PPIP5K2: variants seen among roughly 807,000 people sequenced by gnomAD.
PPIP5K2 encodes the protein diphosphoinositol pentakisphosphate kinase 2.
Under a neutral mutation model 154.6 loss-of-function variants are expected in PPIP5K2, and 105 were observed. The ratio of observed to expected loss-of-function variants is 0.68; its 90% CI spans 0.58 to 0.80. PPIP5K2 has a LOEUF of 0.80. Among genes scored for constraint, PPIP5K2 ranks in the 30% least tolerant of loss-of-function variants. The pLI, the probability that PPIP5K2 is intolerant of heterozygous loss-of-function variation, is 0.00. For missense variants in PPIP5K2, 992 were observed against 1,504.6 expected, an observed-to-expected ratio of 0.66 and a Z score of 5.64; for synonymous variants, 480 against 490.3, an observed-to-expected ratio of 0.98 and a Z score of 0.28.
intron 2 of PPIP5K2, among the ~76,000 whole-genome samples, chr5:103,132,843 G>A (rs904291386): frequency 6.6e-6 from 1 of 152,102 alleles, no homozygotes; most frequent in Non-Finnish European, 1.5e-5. Context: ...AGGCTGAATT[G>A]TGGCCTTTGA....
chr5:103,134,746 CA>C (rs1282985376), intron 3 of PPIP5K2, among the ~76,000 whole-genome samples: 1 of 152,096 alleles, frequency 6.6e-6, no homozygotes, highest in Non-Finnish European at 1.5e-5. Flanking sequence ...TTAACAAAAA[CA>C]AAAGCAGGAA....
intron 21 of PPIP5K2, among the ~76,000 whole-genome samples, chr5:103,176,378 G>C (rs567640315): frequency 6.6e-6 from 1 of 151,982 alleles, no homozygotes; most frequent in East Asian, 1.9e-4. Context: ...CTTACATTTA[G>C]TGAAACTCAG....
At chr5:103,130,632 C>T (rs1368901939) in intron 2 of PPIP5K2, among the ~76,000 whole-genome samples, 4 of 152,160 alleles carry the variant, frequency 2.6e-5, no homozygotes, top group Non-Finnish European at 1.5e-5. Flanking sequence ...ACCTTTGCTA[C>T]CTCCTGCCCC....
chr5:103,140,849 A>C (rs2149504479), intron 5 of PPIP5K2, among the ~76,000 whole-genome samples: 1 of 152,178 alleles, frequency 6.6e-6, no homozygotes, highest in East Asian at 1.9e-4. Flanking sequence ...AAAAAAAAAA[A>C]AAAAAAAATT....
chr5:103,142,927 CAG>C (rs1793092563), intron 5 of PPIP5K2, among the ~76,000 whole-genome samples: 1 of 152,038 alleles, frequency 6.6e-6, no homozygotes, highest in South Asian at 2.1e-4. Context: ...GCAAACCTGT[CAG>C]AAATAATAAC....
rs1291349034 is a variant in PPIP5K2 at position 103,201,772 on chromosome 5, TG to T, written c.*139del. The T allele has an allele frequency of 1.6e-6, 1 of 638,294 alleles. No individual in the cohort carries two copies. Among genetic ancestry groups the T allele is most frequent in the East Asian group, 3.0e-5 (1 of 33,608 alleles). The allele number at this position is 638,294 out of a possible 1,614,324, so 39.5% of individuals were successfully genotyped here. On this transcript the variant is annotated 3_prime_UTR_variant, in exon 31 of 31. Transcript: ENST00000358359. ...TGTTTATGTTCAGGTAAGGAACTGT[TG>T]TCATGATCTGGAAATGTTTAAAACA...
chr5:103,195,486 C>T (rs999640821), intron 30 of PPIP5K2, among the ~76,000 whole-genome samples: 5 of 152,036 alleles, frequency 3.3e-5, no homozygotes, highest in African/African-American at 1.2e-4. Context: ...ATTTCTCTTT[C>T]CTGATAATAT....
Position 103,168,072 on chromosome 5 carries a change from A to G in PPIP5K2, c.2063A>G (p.Asp688Gly). 1 of 1,585,990 alleles carries G rather than the reference A, an allele frequency of 6.3e-7. No individual in the cohort carries two copies. Among genetic ancestry groups the G allele is most frequent in the African/African-American group, 1.4e-5 (1 of 73,892 alleles). ...AACTAAAAATGTTATGTTGTTTTAG[A>G]TATTCAGCTTTACCATAGTGAAACA... ...RHRMEDPKSS[D>G]IQLYHSETLE... The change falls in exon 19 of 31, where the codon GAT becomes GGT. Residue 688 changes from aspartate to glycine, a missense_variant and splice_region_variant. Asp to Gly is a moderately conservative substitution (Grantham distance 94). This residue lies in a region of PPIP5K2 where 82 missense variants were observed against 91.8 expected (regional missense o/e 0.89). Coordinates refer to ENST00000358359, the MANE Select transcript of PPIP5K2 (RefSeq NM_001276277.3).
At chr5:103,143,826 A>G (rs1384535440) in intron 5 of PPIP5K2, among the ~76,000 whole-genome samples, 3 of 152,188 alleles carry the variant, frequency 2.0e-5, no homozygotes, top group African/African-American at 7.2e-5. Context: ...CACAGCTAAC[A>G]TTATACTGAA....
chr5:103,156,948 CT>C (rs1289249711), intron 14 of PPIP5K2, among the ~76,000 whole-genome samples: 1 of 152,018 alleles, frequency 6.6e-6, no homozygotes, highest in African/African-American at 2.4e-5. Context: ...ATATATTGCT[CT>C]TATCACATTT....
At chr5:103,178,319 C>A (rs186282511) in intron 23 of PPIP5K2, among the ~76,000 whole-genome samples, 64 of 151,904 alleles carry the variant, frequency 4.2e-4, no homozygotes, top group African/African-American at 1.5e-3. Flanking sequence ...TAACTAAACC[C>A]CAGTATCATA....
intron 3 of PPIP5K2, among the ~76,000 whole-genome samples, 165 bp from the exon 4 acceptor site, chr5:103,136,567 T>C (rs1455525813): frequency 6.6e-6 from 1 of 152,198 alleles, no homozygotes; most frequent in Non-Finnish European, 1.5e-5. Context: ...AGATTTAATA[T>C]ATAAGTTAAA....
At chr5:103,142,754 C>G (rs1027242088) in intron 5 of PPIP5K2, among the ~76,000 whole-genome samples, 1 of 139,908 alleles carries the variant, frequency 7.1e-6, no homozygotes, top group Non-Finnish European at 1.5e-5. Context: ...CCAGCCTGGG[C>G]GAGTGAGCAA....
intron 8 of PPIP5K2, among the ~76,000 whole-genome samples, chr5:103,150,757 C>T (rs895102875): frequency 3.3e-5 from 5 of 151,336 alleles, no homozygotes; most frequent in African/African-American, 7.3e-5. Flanking sequence ...GGTGACAGAG[C>T]GACACTACCT....
chr5:103,208,913 G>A lies in PPIP5K2; in HGVS notation c.*7279G>A, dbSNP rs1803656768. 1 of 151,996 alleles carries A rather than the reference G, an allele frequency of 6.6e-6. No homozygotes were observed. The highest frequency in any genetic ancestry group is 2.1e-4 in the South Asian group (1 of 4,818). The allele number at this position is 151,996 out of a possible 1,614,324, so 9.4% of individuals were successfully genotyped here. A position where few individuals can be genotyped will look rare whatever the true frequency, so the allele number is the denominator to read the frequency against. ...ATTTGATGATAATTTTTTAAATTAA[G>A]ACCTAATTTCTCCTTCATTTTCAAA... On this transcript the variant is annotated 3_prime_UTR_variant, in exon 31 of 31. Transcript: ENST00000358359.
rs1386305650 is a variant in PPIP5K2, at chr5:103,187,386, G to A, written c.3352+10G>A. 2 of 1,526,328 alleles carry A rather than the reference G, an allele frequency of 1.3e-6. No individual in the cohort carries two copies. Among genetic ancestry groups the A allele is most frequent in the African/African-American group, 1.4e-5 (1 of 72,786 alleles). 94.5% of individuals were successfully genotyped at this position (1,526,328 alleles called of 1,614,324 possible). A position where few individuals can be genotyped will look rare whatever the true frequency, so the allele number is the denominator to read the frequency against. ...CGACACCCAACCAATGGTACGTTTT[G>A]CTTTTATTTTAAAAGATACTCCCCT... is the stretch of plus-strand genomic sequence containing the variant. On this transcript the variant is annotated intron_variant, in intron 28 of 30. Transcript: ENST00000358359.
At chr5:103,148,343 A>T in intron 7 of PPIP5K2, 1 of 295,732 alleles carries the variant, frequency 3.4e-6, no homozygotes, top group Non-Finnish European at 6.5e-6. Context: ...GCATTAAATA[A>T]TAAGATACCA....
chr5:103,155,361 A>G (rs1249366772), intron 13 of PPIP5K2, among the ~76,000 whole-genome samples: 1 of 121,178 alleles, frequency 8.3e-6, no homozygotes, highest in East Asian at 2.5e-4. Context: ...AAACACATAC[A>G]TCTGTGTTTT....
At chr5:103,132,671 T>C (rs1790828948) in intron 2 of PPIP5K2, among the ~76,000 whole-genome samples, 1 of 152,170 alleles carries the variant, frequency 6.6e-6, no homozygotes. Context: ...TAAAGTATCA[T>C]GCAAGAAAGA....
Sources: allele counts gnomAD v4.1 joint callset (sites outside exome capture counted in the v4.1 genomes callset), GRCh38; gene constraint gnomAD v4.1.1; regional missense constraint gnomAD v4.1.1; transcripts MANE v1.5; gene names NCBI Gene and HGNC (gene_info 2026-07-23, HGNC 2026-07-21).